Variants in TMEM266 observed in about 807,000 individuals in gnomAD.
TMEM266 encodes transmembrane protein 266, also known as Hv1 related protein 1.
A neutral mutation model predicts 50.5 loss-of-function variants in TMEM266; 33 were observed. The ratio of observed to expected loss-of-function variants is 0.65; its 90% confidence interval spans 0.50 to 0.87. The LOEUF (loss-of-function observed/expected upper bound fraction) is 0.87. Ranked by LOEUF, TMEM266 falls within the 40% of genes least tolerant of loss-of-function variation. TMEM266 has a pLI of 0.00. For synonymous variants in TMEM266, 310 were observed against 292.3 expected (o/e 1.06, Z -0.62); for missense variants, 655 against 695.1 (o/e 0.94, Z 0.65).
intron 8 of TMEM266, among the ~76,000 whole-genome samples, chr15:76,178,263 C>T (rs998634129): frequency 2.0e-5 from 3 of 152,014 alleles, no homozygotes; most frequent in Non-Finnish European, 4.4e-5. Flanking sequence ...AGGGTGGAGA[C>T]AGGAAGACTG....
chr15:76,130,073 AG>A (rs1361116122), intron 1 of TMEM266, among the ~76,000 whole-genome samples: 1 of 151,194 alleles, frequency 6.6e-6, no homozygotes, highest in Non-Finnish European at 1.5e-5. Flanking sequence ...AAAATACAAA[AG>A]GTAGCCGGGT....
intron 1 of TMEM266, among the ~76,000 whole-genome samples, chr15:76,070,685 T>C (rs928276411): frequency 3.3e-5 from 5 of 152,216 alleles, no homozygotes; most frequent in Non-Finnish European, 5.9e-5. Flanking sequence ...TCCATTCTTA[T>C]TAAGGATTCA....
At chr15:76,091,292 G>A (rs897051007) in intron 1 of TMEM266, among the ~76,000 whole-genome samples, 14 of 150,450 alleles carry the variant, frequency 9.3e-5, no homozygotes, top group Middle Eastern at 6.8e-3. Flanking sequence ...AAGATAAAAG[G>A]AACTCAACAA....
chr15:76,151,186 G>A (rs2037837647), intron 3 of TMEM266, among the ~76,000 whole-genome samples: 1 of 152,086 alleles, frequency 6.6e-6, no homozygotes, highest in Admixed American at 6.5e-5. Context: ...GGGCCTTGAT[G>A]GGCCGACGCT....
chr15:76,180,768 C>T (rs988169049), intron 8 of TMEM266, among the ~76,000 whole-genome samples: 2 of 151,902 alleles, frequency 1.3e-5, no homozygotes, highest in Non-Finnish European at 2.9e-5. Flanking sequence ...CACCTGCCAC[C>T]ATGCCCAGCT....
rs138438508 is a variant in TMEM266, at chr15:76,202,209, G to A, written c.966G>A (p.Thr322=). 82 of 1,613,816 alleles carry A rather than the reference G, an allele frequency of 5.1e-5. 1 individual carries two copies. The South Asian group carries it at 7.8e-4, about 15-fold the overall frequency. The change falls in exon 10 of 11, where the codon ACG becomes ACA. Residue 322 remains threonine, a synonymous_variant. Coordinates refer to ENST00000388942, the MANE Select transcript of TMEM266 (RefSeq NM_152335.3). ...CTGTCCCCACCTCTGTAGAAGCCACGATGAAGGACGACATGAACAGCTACA... is the reference window on the plus strand; with the variant it reads ...CTGTCCCCACCTCTGTAGAAGCCACAATGAAGGACGACATGAACAGCTACA...
intron 1 of TMEM266, among the ~76,000 whole-genome samples, chr15:76,111,608 A>G (rs544774474): frequency 6.6e-6 from 1 of 151,772 alleles, no homozygotes; most frequent in Non-Finnish European, 1.5e-5. Context: ...GGGTTTCCCC[A>G]TGTTGGGCAG....
At position 76,139,932 on chromosome 15, in the gene TMEM266, A is replaced by G. The variant is rs2037651924; in HGVS notation, c.227+2037A>G. ...TACCACCCTGTGATGTACCCCTTTC[A>G]GGGGTCCTGTGCTGTGGTGTACCCC... On this transcript the variant is annotated intron_variant, in intron 3 of 10. Transcript: ENST00000388942. The surrounding 1 kb of genome is among the most constrained non-coding windows in gnomAD (Gnocchi z 4.1). Among the ~76,000 whole-genome samples the G allele has an allele frequency of 6.6e-6, 1 of 152,184 alleles. No individual in the cohort carries two copies. The highest frequency in any genetic ancestry group is 1.5e-5 in the Non-Finnish European group (1 of 68,026).
intron 1 of TMEM266, among the ~76,000 whole-genome samples, chr15:76,093,531 G>T (rs2036882272): frequency 6.6e-6 from 1 of 151,970 alleles, no homozygotes; most frequent in Non-Finnish European, 1.5e-5. Context: ...CATTTGGGTT[G>T]GTTCCAAGTC....
chr15:76,089,439 C>T (rs892000931), intron 1 of TMEM266, among the ~76,000 whole-genome samples: 7 of 151,970 alleles, frequency 4.6e-5, no homozygotes, highest in African/African-American at 7.3e-5. Context: ...GTGATCTGCC[C>T]GCCTCAGCCT....
chr15:76,179,466 C>G (rs1285771177), intron 8 of TMEM266, among the ~76,000 whole-genome samples: 1 of 152,224 alleles, frequency 6.6e-6, no homozygotes, highest in Non-Finnish European at 1.5e-5. Flanking sequence ...GGGCATAGAA[C>G]CAGGTGTCCT....
At chr15:76,149,620 T>C (rs1194429232) in intron 3 of TMEM266, among the ~76,000 whole-genome samples, 2 of 152,230 alleles carry the variant, frequency 1.3e-5, no homozygotes, top group African/African-American at 4.8e-5. Context: ...TTTCAGGGAT[T>C]AGGAAACTAA....
chr15:76,127,543 C>G (rs1042359169), intron 1 of TMEM266, among the ~76,000 whole-genome samples: 3 of 152,060 alleles, frequency 2.0e-5, no homozygotes, highest in African/African-American at 7.2e-5. Context: ...CCAAGCTGGC[C>G]TCTTACTCCT....
rs547975178 is a variant in TMEM266, at chr15:76,160,120, C to T, written c.408C>T (p.Gly136=). Reference sequence around the variant, plus strand: ...TTTCCAGCGCATTCCAGTTTGCTGGCGTGATTCACTGGATCAGCCTGGTCA... The same window carrying T: ...TTTCCAGCGCATTCCAGTTTGCTGGTGTGATTCACTGGATCAGCCTGGTCA... The change falls in exon 5 of 11, where the codon GGC becomes GGT. Residue 136 remains glycine, a synonymous_variant. Transcript: ENST00000388942. This position sits in a 1 kb window ranked among gnomAD's most constrained non-coding sequence, Gnocchi z 5.7. 45 of 1,614,194 alleles carry T rather than the reference C, an allele frequency of 2.8e-5. 1 individual carries two copies. In the South Asian group the frequency reaches 3.1e-4, roughly 11 times the overall value.
intron 1 of TMEM266, among the ~76,000 whole-genome samples, chr15:76,062,122 C>A (rs888584043): frequency 6.6e-6 from 1 of 152,156 alleles, no homozygotes; most frequent in Non-Finnish European, 1.5e-5. Context: ...GTAGTTGCAT[C>A]AGTGAAAATT....
chr15:76,127,663 G>A (rs2142024253), intron 1 of TMEM266, among the ~76,000 whole-genome samples: 1 of 152,164 alleles, frequency 6.6e-6, no homozygotes, highest in East Asian at 1.9e-4. Context: ...TAGGTATACT[G>A]TTGTTTGCAA....
At chr15:76,165,983 G>A (rs182524097) in intron 5 of TMEM266, among the ~76,000 whole-genome samples, 56 of 152,298 alleles carry the variant, frequency 3.7e-4, no homozygotes, top group Non-Finnish European at 6.0e-4. Flanking sequence ...TGTGCCCAGA[G>A]TTTCTGATAT....
intron 1 of TMEM266, among the ~76,000 whole-genome samples, chr15:76,079,836 G>C (rs2036660485): frequency 1.3e-5 from 2 of 151,610 alleles, no homozygotes; most frequent in Admixed American, 6.6e-5. Flanking sequence ...GGCGGTGGGG[G>C]GGTGGGGGCA....
At chr15:76,133,858 G>C (rs8024571) in intron 1 of TMEM266, among the ~76,000 whole-genome samples, 2,651 of 152,270 alleles carry the variant, frequency 0.017, 84 homozygotes, top group African/African-American at 0.061. Context: ...ATGCTGTTTT[G>C]GGGGGCACAG....
Sources: allele counts gnomAD v4.1 joint callset (sites outside exome capture counted in the v4.1 genomes callset), GRCh38; gene constraint gnomAD v4.1.1; non-coding constraint Gnocchi (gnomAD v3.1); transcripts MANE v1.5; gene names NCBI Gene and HGNC (gene_info 2026-07-23, HGNC 2026-07-21).